ORC4: variants seen among roughly 807,000 people sequenced by gnomAD.
ORC4 encodes the protein origin recognition complex subunit 4.
In ORC4, 55 loss-of-function variants were observed where a neutral mutation model predicts 63.9. That is an observed-to-expected ratio of 0.86 (90% CI 0.69 to 1.08). ORC4 has a LOEUF of 1.08. ORC4 is among the 50% of genes least tolerant of loss of function. The pLI, the probability that ORC4 is intolerant of heterozygous loss-of-function variation, is 0.00. For missense variants in ORC4, 511 were observed against 504.4 expected (o/e 1.01, Z -0.13); for synonymous variants, 150 against 168.5 (o/e 0.89, Z 0.85).
intron 3 of ORC4, 122 bp downstream of exon 3, chr2:147,973,326 T>G: frequency 1.4e-6 from 1 of 710,654 alleles, no homozygotes; most frequent in Admixed American, 2.2e-5. Context: ...AAGCAAAATT[T>G]TTTATTTCTA....
rs140134375 is a variant in ORC4 at position 147,987,366 on chromosome 2, A to ATGTGTG, written c.-17-11397_-17-11392dup. Among the ~76,000 whole-genome samples, 14 of 116,408 alleles carry ATGTGTG rather than the reference A, an allele frequency of 1.2e-4. No homozygotes were observed. The South Asian group carries it at 2.9e-3, about 25-fold the overall frequency. The allele number at this position is 116,408 out of a possible 152,430, so 76.4% of individuals were successfully genotyped here. On this transcript the variant is annotated intron_variant, in intron 1 of 13. Transcript: ENST00000392857. ...GAACTTTCCATATATAGATATATAT[A>ATGTGTG]TGTGTGTGTGTGTGTGTATATATAT...
At chr2:147,955,443 GAAC>G in intron 6 of ORC4, 48 bp from the exon 7 acceptor site, 1 of 1,346,916 alleles carries the variant, frequency 7.4e-7, no homozygotes, top group Non-Finnish European at 1.1e-6. Context: ...GTGAAATAAA[GAAC>G]AAAAGATGGC....
At chr2:148,016,344 C>G (rs929873433) in intron 1 of ORC4, among the ~76,000 whole-genome samples, 1 of 152,182 alleles carries the variant, frequency 6.6e-6, no homozygotes, top group Non-Finnish European at 1.5e-5. Flanking sequence ...CGGTCTGATC[C>G]ACTACAGCTT....
chr2:147,962,778 C>T (rs117065132), intron 4 of ORC4, among the ~76,000 whole-genome samples: 500 of 152,188 alleles, frequency 3.3e-3, no homozygotes, highest in East Asian at 8.2e-3. Flanking sequence ...ACCTGAGAAA[C>T]AGCCCCACAA....
At chr2:148,021,451 TTGC>T, upstream of ORC4, 5 of 567,614 alleles carry the variant, frequency 8.8e-6, no homozygotes, top group Non-Finnish European at 1.4e-5. Flanking sequence ...CACAGACCCT[TTGC>T]TGCTGCTGTT....
chr2:147,976,707 T>A (rs1441756015), intron 1 of ORC4, among the ~76,000 whole-genome samples: 1 of 152,194 alleles, frequency 6.6e-6, no homozygotes, highest in African/African-American at 2.4e-5. Flanking sequence ...CTAGGTTAAA[T>A]GCCTCTTCCT....
intron 4 of ORC4, among the ~76,000 whole-genome samples, chr2:147,969,216 AT>A (rs966293479): frequency 1.3e-5 from 2 of 151,972 alleles, no homozygotes; most frequent in Non-Finnish European, 2.9e-5. Context: ...GTGTTGTACT[AT>A]CATTTTTCTG....
At chr2:147,977,294 C>T (rs916465316) in intron 1 of ORC4, among the ~76,000 whole-genome samples, 1 of 152,144 alleles carries the variant, frequency 6.6e-6, no homozygotes, top group Non-Finnish European at 1.5e-5. Context: ...TTTGCTAACA[C>T]CCTGAATTTA....
rs1265258831 is a variant in ORC4 at position 147,947,979 on chromosome 2, T to G, written c.762+72A>C. 7.5e-6 allele frequency: 9 copies of G among 1,194,906 alleles called. No homozygotes were observed. In the East Asian group the frequency reaches 2.1e-4, roughly 28 times the overall value. The allele number at this position is 1,194,906 out of a possible 1,614,324, so 74.0% of individuals were successfully genotyped here. A position where few individuals can be genotyped will look rare whatever the true frequency, so the allele number is the denominator to read the frequency against. ...GAAACTTTGTGTTAATTTACTAATTTCTAAAATTTGTGTTTTAATTGCTTT... is the reference window on the plus strand; with the variant it reads ...GAAACTTTGTGTTAATTTACTAATTGCTAAAATTTGTGTTTTAATTGCTTT... On this transcript the variant is annotated intron_variant, in intron 9 of 13. Transcript: ENST00000392857.
intron 13 of ORC4, 103 bp from the exon 14 acceptor site, chr2:147,935,801 G>C (rs1435566338): frequency 1.1e-6 from 1 of 928,788 alleles, no homozygotes; most frequent in Non-Finnish European, 1.7e-6. Context: ...CTGCAGAACA[G>C]AGTACTGGGA....
chr2:147,938,187 C>A lies in ORC4; in HGVS notation c.1081G>T (p.Ala361Ser). 6.2e-7 allele frequency: 1 copy of A among 1,612,798 alleles called. No individual in the cohort carries two copies. The highest frequency in any genetic ancestry group is 8.5e-7 in the Non-Finnish European group (1 of 1,179,138). Residue 361 changes from alanine to serine, a missense_variant, in exon 13 of 14, where the codon GCA (alanine) becomes TCA (serine). Transcript: ENST00000392857. The part of the protein sequence containing the change: ...NEFQKFVQRK[A>S]HSVYNFEKPV... ...TTTTCAAAATTATAAACGGAATGTG[C>A]TTTCCTTTGAACAAACTTCTGAAAC...
At chr2:147,990,615 G>C (rs778998050) in intron 1 of ORC4, among the ~76,000 whole-genome samples, 3 of 152,188 alleles carry the variant, frequency 2.0e-5, no homozygotes, top group Non-Finnish European at 2.9e-5. Flanking sequence ...CAGAGCTGAA[G>C]AATAATTCCA....
intron 4 of ORC4, among the ~76,000 whole-genome samples, chr2:147,966,071 G>A (rs980216701): frequency 6.6e-6 from 1 of 151,854 alleles, no homozygotes; most frequent in Non-Finnish European, 1.5e-5. Context: ...ATAATGACAG[G>A]AACATTAAAA....
intron 8 of ORC4, among the ~76,000 whole-genome samples, chr2:147,950,737 C>G (rs1688910102): frequency 6.7e-6 from 1 of 148,954 alleles, no homozygotes; most frequent in Non-Finnish European, 1.5e-5. Context: ...TGTACTCCAG[C>G]CTGGGCGACA....
intron 4 of ORC4, among the ~76,000 whole-genome samples, chr2:147,968,906 A>G (rs1273860946): frequency 6.6e-6 from 1 of 152,114 alleles, no homozygotes; most frequent in Non-Finnish European, 1.5e-5. Flanking sequence ...ATGAATGGAT[A>G]AAGAATATGT....
At chr2:147,968,433 G>C (rs746688282) in intron 4 of ORC4, among the ~76,000 whole-genome samples, 1 of 151,868 alleles carries the variant, frequency 6.6e-6, no homozygotes, top group Non-Finnish European at 1.5e-5. Flanking sequence ...AGGAACTCCA[G>C]TATCTCAAAA....
intron 2 of ORC4, among the ~76,000 whole-genome samples, chr2:147,974,262 G>T (rs1025433657): frequency 2.0e-5 from 3 of 152,126 alleles, no homozygotes; most frequent in Non-Finnish European, 4.4e-5. Flanking sequence ...ATTTTAAAAG[G>T]TTAAGTCTGT....
At position 147,932,800 on chromosome 2, in the gene ORC4, A is replaced by G. The variant is rs1687841352; in HGVS notation, c.*2710T>C. On this transcript the variant is annotated 3_prime_UTR_variant, in exon 14 of 14. Coordinates refer to ENST00000392857, the MANE Select transcript of ORC4 (RefSeq NM_181741.4). ...GCAGCACTTAGGTTATGGTGGTTTGAAAGAAACTGAATTGCTTTCTAAACC... is the reference window on the plus strand; with the variant it reads ...GCAGCACTTAGGTTATGGTGGTTTGGAAGAAACTGAATTGCTTTCTAAACC... 1.3e-5 allele frequency: 2 copies of G among 152,100 alleles called. No homozygotes were observed. Among genetic ancestry groups the G allele is most frequent in the Admixed American group, 1.3e-4 (2 of 15,236 alleles). 9.4% of individuals were successfully genotyped at this position (152,100 alleles called of 1,614,324 possible). A position where few individuals can be genotyped will look rare whatever the true frequency, so the allele number is the denominator to read the frequency against.
rs751815439 is a variant in ORC4, at chr2:147,935,551, C to G, written c.1270G>C (p.Asp424His). 1 of 1,613,846 alleles carries G rather than the reference C, an allele frequency of 6.2e-7. No individual in the cohort carries two copies. Among genetic ancestry groups the G allele is most frequent in the Non-Finnish European group, 8.5e-7 (1 of 1,179,814 alleles). The change falls in exon 14 of 14, where the codon GAT becomes CAT. Residue 424 changes from aspartate to histidine, a missense_variant. Asp to His is a moderately conservative substitution (Grantham distance 81). Coordinates refer to ENST00000392857, the MANE Select transcript of ORC4 (RefSeq NM_181741.4). ...ALQKYPNCPT[D>H]VRQWATSSLS... ...GAGGATGTTGCCCACTGCCTCACAT[C>G]TGTAGGACAGTTGGGATATTTCTGC... is the stretch of plus-strand genomic sequence containing the variant.
Sources: gnomAD v4.1 joint callset for allele counts (sites outside exome capture counted in the v4.1 genomes callset) on GRCh38, gnomAD v4.1.1 for gene constraint, MANE v1.5 for transcripts, NCBI Gene and HGNC (gene_info 2026-07-23, HGNC 2026-07-21) for gene names.